The following ZNF469 variants were observed in gnomAD, a reference collection of about 807,000 sequenced individuals.
ZNF469 encodes zinc finger protein 469.
In ZNF469, 1 loss-of-function variant was observed where a neutral mutation model predicts 1.0. The ratio of observed to expected loss-of-function variants is 1.00; its 90% CI spans 0.35 to 4.73. The LOEUF (loss-of-function observed/expected upper bound fraction) is 4.73. ZNF469 is among the 30% of genes most tolerant of loss of function. ZNF469 has a pLI of 0.16. For synonymous variants in ZNF469, 2,703 were observed against 2,363.4 expected (o/e 1.14, Z -4.17); for missense variants, 6,100 against 5,356.3 (o/e 1.14, Z -4.33).
chr16:88,419,162 G>T (rs11649044), intron 1 of ZNF469, among the ~76,000 whole-genome samples: 14,239 of 152,310 alleles, frequency 0.093, 800 homozygotes, highest in Middle Eastern at 0.15. Flanking sequence ...ATGGCATCTG[G>T]CTTTGTGCTC....
chr16:88,387,352 G>A (rs1197050595), intron 1 of ZNF469, among the ~76,000 whole-genome samples: 7 of 152,202 alleles, frequency 4.6e-5, no homozygotes, highest in East Asian at 1.9e-4. Flanking sequence ...TCACCAGGCT[G>A]GCTTCAGGGC....
At chr16:88,163,426 A>C in the ZNF469 span, among the ~76,000 whole-genome samples, 1 of 150,714 alleles carries the variant, frequency 6.6e-6, no homozygotes, top group East Asian at 2.0e-4. Flanking sequence ...ATAGGTGGGC[A>C]GTTGTGTGGA....
the ZNF469 span, among the ~76,000 whole-genome samples, chr16:88,286,632 T>A: frequency 6.6e-5 from 10 of 152,352 alleles, no homozygotes; most frequent in Admixed American, 6.5e-4. Flanking sequence ...ACATTCTGCA[T>A]TCAGTGCTGA....
At chr16:88,109,469 G>A in the ZNF469 span, among the ~76,000 whole-genome samples, 1 of 151,846 alleles carries the variant, frequency 6.6e-6, no homozygotes, top group African/African-American at 2.4e-5. Flanking sequence ...GGGCATCTGT[G>A]TCCACGCTGT....
chr16:88,185,388 AAC>A, the ZNF469 span, among the ~76,000 whole-genome samples: 19,026 of 152,048 alleles, frequency 0.13, 1,553 homozygotes, highest in South Asian at 0.23. Flanking sequence ...GTGTGCAGAG[AAC>A]ACACACACAT....
the ZNF469 span, among the ~76,000 whole-genome samples, chr16:88,134,469 G>C: frequency 6.6e-6 from 1 of 152,346 alleles, no homozygotes; most frequent in African/African-American, 2.4e-5. Flanking sequence ...ATCATTCCGT[G>C]TGGTTACTTT....
At chr16:88,245,636 G>C in the ZNF469 span, among the ~76,000 whole-genome samples, 1 of 152,262 alleles carries the variant, frequency 6.6e-6, no homozygotes, top group Non-Finnish European at 1.5e-5. Flanking sequence ...AAATCCCGAA[G>C]AGGGGAATTC....
the ZNF469 span, among the ~76,000 whole-genome samples, chr16:88,250,746 C>G: frequency 1.3e-5 from 2 of 152,138 alleles, no homozygotes; most frequent in Non-Finnish European, 2.9e-5. Flanking sequence ...TTCTTCCAAC[C>G]CCAATCTGTT....
chr16:88,194,893 G>C, the ZNF469 span: 5 of 152,328 alleles, frequency 3.3e-5, no homozygotes, highest in African/African-American at 1.2e-4. Context: ...GGAGGGAATC[G>C]GTGGGGCTGG....
the ZNF469 span, among the ~76,000 whole-genome samples, chr16:88,341,973 G>T: frequency 2.6e-5 from 4 of 152,172 alleles, no homozygotes; most frequent in African/African-American, 9.7e-5. Flanking sequence ...ACTTCGAGGT[G>T]CCCAGCTGGG....
the ZNF469 span, among the ~76,000 whole-genome samples, chr16:88,208,773 G>A: frequency 5.4e-3 from 16 of 2,990 alleles, 1 homozygote; most frequent in East Asian, 0.11. Context: ...AAATGCGCGT[G>A]CGCGCGCACA....
At chr16:88,142,499 G>A in the ZNF469 span, among the ~76,000 whole-genome samples, 1 of 152,224 alleles carries the variant, frequency 6.6e-6, no homozygotes, top group African/African-American at 2.4e-5. Context: ...CCCAGTGTGA[G>A]CCTCAAGCAC....
At chr16:88,416,005 A>C (rs1905292921) in intron 1 of ZNF469, among the ~76,000 whole-genome samples, 1 of 152,174 alleles carries the variant, frequency 6.6e-6, no homozygotes, top group African/African-American at 2.4e-5. Context: ...GCACTTCACT[A>C]ATCCTCTCGT....
At chr16:88,232,875 G>A in the ZNF469 span, among the ~76,000 whole-genome samples, 1 of 152,198 alleles carries the variant, frequency 6.6e-6, no homozygotes, top group Non-Finnish European at 1.5e-5. Flanking sequence ...CGCATATTGC[G>A]CCCCAGCCTT....
chr16:88,360,192 G>T, the ZNF469 span, among the ~76,000 whole-genome samples: 1 of 151,686 alleles, frequency 6.6e-6, no homozygotes, highest in Non-Finnish European at 1.5e-5. Context: ...AACTAATTTT[G>T]TATTTTTAGT....
chr16:88,331,919 G>C, the ZNF469 span, among the ~76,000 whole-genome samples: 3 of 152,186 alleles, frequency 2.0e-5, no homozygotes, highest in African/African-American at 4.8e-5. Context: ...CAGGATGCAG[G>C]CTTTAGGAGT....
chr16:88,137,946 C>G, the ZNF469 span, among the ~76,000 whole-genome samples: 1 of 152,062 alleles, frequency 6.6e-6, no homozygotes, highest in African/African-American at 2.4e-5. Flanking sequence ...GCTGTCTTGC[C>G]CAAGACGATA....
chr16:88,383,051 G>A lies in ZNF469; in HGVS notation c.-395G>A, dbSNP rs1403707455. ...GGGCTGGCCCGCGGCGACCTGGGCA[G>A]GGTGGCGGCTGCTCCCTCTCCTCCC... is the stretch of plus-strand genomic sequence containing the variant. On this transcript the variant is annotated 5_prime_UTR_variant, in exon 1 of 3. Transcript: ENST00000565624. Among the ~76,000 whole-genome samples, 1 of 151,594 alleles carries A rather than the reference G, an allele frequency of 6.6e-6. No homozygotes were observed. The highest frequency in any genetic ancestry group is 1.5e-5 in the Non-Finnish European group (1 of 67,874).
chr16:88,335,055 AG>A, the ZNF469 span, among the ~76,000 whole-genome samples: 5 of 152,256 alleles, frequency 3.3e-5, no homozygotes, highest in Admixed American at 3.3e-4. Flanking sequence ...CACTGGGCAC[AG>A]GAAGAGGCAG....
Sources: gnomAD v4.1 joint callset for allele counts (sites outside exome capture counted in the v4.1 genomes callset) on GRCh38, gnomAD v4.1.1 for gene constraint, MANE v1.5 for transcripts, NCBI Gene and HGNC (gene_info 2026-07-23, HGNC 2026-07-21) for gene names.